The following PCBP3 variants were observed in gnomAD, a reference collection of about 807,000 sequenced individuals.
PCBP3 encodes the protein poly(rC)-binding protein 3.
A neutral mutation model predicts 52.7 loss-of-function variants in PCBP3; 25 were observed. The observed-to-expected ratio is 0.47, with a 90% CI of 0.35 to 0.66. The LOEUF is 0.66. Among genes scored for constraint, PCBP3 ranks in the 30% least tolerant of loss-of-function variants. PCBP3 has a pLI of 0.01. For synonymous variants in PCBP3, 162 were observed against 183.0 expected, an observed-to-expected ratio of 0.89 and a Z score of 0.93; for missense variants, 391 against 490.3, an observed-to-expected ratio of 0.80 and a Z score of 1.91.
intron 4 of PCBP3, among the ~76,000 whole-genome samples, chr21:45,814,956 A>G (rs1603441832): frequency 1.0e-5 from 1 of 95,264 alleles, no homozygotes; most frequent in Non-Finnish European, 2.1e-5. Flanking sequence ...GTGGTGAGTG[A>G]GTGGTGAGTG....
At chr21:45,646,642 G>A (rs2079332032) in intron 1 of PCBP3, among the ~76,000 whole-genome samples, 1 of 152,172 alleles carries the variant, frequency 6.6e-6, no homozygotes, top group Admixed American at 6.5e-5. Flanking sequence ...ATTTTATGAG[G>A]GCAGAGCCCT....
intron 2 of PCBP3, among the ~76,000 whole-genome samples, chr21:45,697,871 A>G (rs1395800797): frequency 6.6e-6 from 1 of 152,108 alleles, no homozygotes; most frequent in Non-Finnish European, 1.5e-5. Flanking sequence ...ACTAGTTTCC[A>G]GAAAGTCCAG....
chr21:45,676,630 G>A (rs767279715), intron 2 of PCBP3, among the ~76,000 whole-genome samples: 16 of 151,986 alleles, frequency 1.1e-4, no homozygotes, highest in Non-Finnish European at 1.9e-4. Flanking sequence ...CTCCACAGCC[G>A]ACCATTCCAT....
intron 3 of PCBP3, chr21:45,744,195 A>G (rs1274614178): frequency 6.6e-6 from 1 of 151,740 alleles, no homozygotes; most frequent in Non-Finnish European, 1.5e-5. Context: ...AAAAATTTTT[A>G]ACTTAATTTA....
At chr21:45,654,027 G>T (rs967398613) in intron 1 of PCBP3, among the ~76,000 whole-genome samples, 1 of 151,912 alleles carries the variant, frequency 6.6e-6, no homozygotes, top group Non-Finnish European at 1.5e-5. Context: ...CCCCCCTCCA[G>T]ATTCATATGT....
intron 4 of PCBP3, among the ~76,000 whole-genome samples, chr21:45,773,322 G>A (rs924041599): frequency 6.6e-6 from 1 of 152,140 alleles, no homozygotes; most frequent in Admixed American, 6.5e-5. Context: ...TTTGTGTATG[G>A]TGAGAGATAA....
At chr21:45,868,042 G>A (rs1351728837) in intron 5 of PCBP3, among the ~76,000 whole-genome samples, 1 of 152,270 alleles carries the variant, frequency 6.6e-6, no homozygotes, top group Non-Finnish European at 1.5e-5. Context: ...CACCTCACTC[G>A]GAGGCGCAGT....
Position 45,829,986 on chromosome 21 carries a change from C to G in PCBP3, c.-125-19975C>G, listed in dbSNP as rs145108970. 1 of 152,886 alleles carries G rather than the reference C, an allele frequency of 6.5e-6. No individual in the cohort carries two copies. Among genetic ancestry groups the G allele is most frequent in the Non-Finnish European group, 1.5e-5 (1 of 68,084 alleles). 9.5% of individuals were successfully genotyped at this position (152,886 alleles called of 1,614,324 possible). On this transcript the variant is annotated intron_variant, in intron 4 of 17. Coordinates refer to ENST00000681687, the MANE Select transcript of PCBP3 (RefSeq NM_001384156.1). The surrounding 1 kb of genome is among the most constrained non-coding windows in gnomAD (Gnocchi z 5.2). ...AGCTTCTGCTGCCCTGCTGCGATCG[C>G]TGTGGTCTCCACCTTAGTTTGGGGC...
rs148919427 is a variant in PCBP3 at position 45,731,456 on chromosome 21, C to T, written c.-199-3936C>T. The stretch of plus-strand genomic sequence containing the variant: ...TATACAAGATGGCAAATAAGCTCTT[C>T]TCTGGGCGGAGTTTTTAGTGTGGTA... On this transcript the variant is annotated intron_variant, in intron 2 of 17. Coordinates refer to ENST00000681687, the MANE Select transcript of PCBP3 (RefSeq NM_001384156.1). Among the ~76,000 whole-genome samples, 150 of 152,294 alleles carry T rather than the reference C, an allele frequency of 9.8e-4. 1 individual carries two copies. Among genetic ancestry groups the T allele is most frequent in the African/African-American group, 3.4e-3 (143 of 41,546 alleles).
In PCBP3 at chr21:45,834,418, C is replaced by T. The variant is rs1023322881; in HGVS notation, c.-125-15543C>T. 3.9e-5 allele frequency among the ~76,000 whole-genome samples: 6 copies of T among 152,356 alleles called. No individual in the cohort carries two copies. In the South Asian group the frequency reaches 1.0e-3, roughly 26 times the overall value. ...TAGGATGTCCATTTCCAAGGCACAGCATGTGCTGTGACTGTCTAGGGGTGG... is the reference window on the plus strand; with the variant it reads ...TAGGATGTCCATTTCCAAGGCACAGTATGTGCTGTGACTGTCTAGGGGTGG... On this transcript the variant is annotated intron_variant, in intron 4 of 17. Coordinates refer to ENST00000681687, the MANE Select transcript of PCBP3 (RefSeq NM_001384156.1).
intron 5 of PCBP3, among the ~76,000 whole-genome samples, chr21:45,855,944 G>A (rs1044412965): frequency 3.3e-5 from 5 of 152,344 alleles, no homozygotes; most frequent in African/African-American, 1.2e-4. Flanking sequence ...TCATGAGACA[G>A]GTTTTATTTA....
intron 5 of PCBP3, among the ~76,000 whole-genome samples, chr21:45,864,872 G>A (rs373186737): frequency 6.6e-6 from 1 of 152,146 alleles, no homozygotes; most frequent in African/African-American, 2.4e-5. Context: ...CTACATTTTA[G>A]TTGTATCGAA....
chr21:45,898,708 A>C (rs1603478494), intron 6 of PCBP3, among the ~76,000 whole-genome samples: 1 of 54,384 alleles, frequency 1.8e-5, no homozygotes, highest in African/African-American at 1.3e-4. Flanking sequence ...CGCCGTCCTC[A>C]CGGCCTCCCT....
At chr21:45,769,784 G>A (rs767204240) in intron 4 of PCBP3, among the ~76,000 whole-genome samples, 4 of 152,242 alleles carry the variant, frequency 2.6e-5, no homozygotes, top group Admixed American at 2.0e-4. Context: ...TATTCAGGGA[G>A]GGAAAATGGG....
Position 45,846,731 on chromosome 21 carries a change from C to T in PCBP3, c.-125-3230C>T, listed in dbSNP as rs558975864. Among the ~76,000 whole-genome samples, 34 of 152,352 alleles carry T rather than the reference C, an allele frequency of 2.2e-4. 1 individual carries two copies. Among genetic ancestry groups the T allele is most frequent in the Admixed American group, 1.9e-3 (29 of 15,308 alleles). On this transcript the variant is annotated intron_variant, in intron 4 of 17. Transcript: ENST00000681687. Reference sequence around the variant, plus strand: ...TGGCTTCGCCGCGCACTGGGTCCTCCGGCATCAAGAAGTGCCCTTCTTGGT... The same window carrying T: ...TGGCTTCGCCGCGCACTGGGTCCTCTGGCATCAAGAAGTGCCCTTCTTGGT...
At chr21:45,845,299 G>A (rs2093784120) in intron 4 of PCBP3, among the ~76,000 whole-genome samples, 1 of 152,260 alleles carries the variant, frequency 6.6e-6, no homozygotes, top group South Asian at 2.1e-4. Flanking sequence ...GATTGTCTGA[G>A]GTTTGAAACC....
Position 45,817,094 on chromosome 21 carries a change from G to C in PCBP3, c.-125-32867G>C, listed in dbSNP as rs555468320. On this transcript the variant is annotated intron_variant, in intron 4 of 17. Coordinates refer to ENST00000681687, the MANE Select transcript of PCBP3 (RefSeq NM_001384156.1). This position sits in a 1 kb window ranked among gnomAD's most constrained non-coding sequence, Gnocchi z 4.3. Reference sequence around the variant, plus strand: ...GGCACGTGACTATATATGCTACGCTGTTAAGAATTTGGGGTGTTGTGTTTG... The same window carrying C: ...GGCACGTGACTATATATGCTACGCTCTTAAGAATTTGGGGTGTTGTGTTTG... Among the ~76,000 whole-genome samples, 1 of 152,332 alleles carries C rather than the reference G, an allele frequency of 6.6e-6. No individual in the cohort carries two copies. Among genetic ancestry groups the C allele is most frequent in the African/African-American group, 2.4e-5 (1 of 41,572 alleles).
chr21:45,682,722 A>G (rs1478502810), intron 2 of PCBP3, among the ~76,000 whole-genome samples: 2 of 152,090 alleles, frequency 1.3e-5, no homozygotes, highest in African/African-American at 2.4e-5. Flanking sequence ...ATATAGAGAA[A>G]GATGAGGAGG....
Position 45,900,922 on chromosome 21 carries a change from A to G in PCBP3, c.223-75A>G, listed in dbSNP as rs569440953. The G allele has an allele frequency of 2.2e-4, 213 of 986,698 alleles. No homozygotes were observed. The African/African-American group carries it at 3.3e-3, about 15-fold the overall frequency. 61.1% of individuals were successfully genotyped at this position (986,698 alleles called of 1,614,324 possible). On this transcript the variant is annotated intron_variant, in intron 8 of 17. Transcript: ENST00000681687. ...AGGCATGTGTTTGTGTCAATTGTCA[A>G]CGGACTTGCGGCCCCCGACCCACTG...
Sources: gnomAD v4.1 joint callset for allele counts (sites outside exome capture counted in the v4.1 genomes callset) on GRCh38, gnomAD v4.1.1 for gene constraint, Gnocchi (gnomAD v3.1) non-coding constraint, MANE v1.5 for transcripts, NCBI Gene and HGNC (gene_info 2026-07-23, HGNC 2026-07-21) for gene names.